The following AGBL1 variants were observed in gnomAD, a reference collection of about 807,000 sequenced individuals.
The protein encoded by AGBL1 is AGBL carboxypeptidase 1.
AGBL1 carries 130 observed loss-of-function variants against 118.9 expected under a neutral mutation model. The ratio of observed to expected loss-of-function variants is 1.09; its 90% confidence interval spans 0.95 to 1.26. The LOEUF (loss-of-function observed/expected upper bound fraction) is 1.26. AGBL1 is among the 50% of genes most tolerant of loss of function. The probability of loss-of-function intolerance (pLI) is 0.00; values close to 1 mark genes in which losing one functional copy is unlikely to be tolerated. For synonymous variants in AGBL1, 555 were observed against 478.9 expected, an observed-to-expected ratio of 1.16 and a Z score of -2.08; for missense variants, 1,584 against 1,298.1, an observed-to-expected ratio of 1.22 and a Z score of -3.38.
intron 22 of AGBL1, among the ~76,000 whole-genome samples, chr15:86,835,684 G>A (rs2079161132): frequency 6.6e-6 from 1 of 152,070 alleles, no homozygotes; most frequent in South Asian, 2.1e-4. Flanking sequence ...ATATGGCTAG[G>A]GTAAAAGTGA....
Position 86,983,694 on chromosome 15 carries a change from G to A in AGBL1, c.3222-4293G>A, listed in dbSNP as rs1282906578. Among the ~76,000 whole-genome samples, 7 of 152,278 alleles carry A rather than the reference G, an allele frequency of 4.6e-5. No individual in the cohort carries two copies. In the East Asian group the frequency reaches 1.2e-3, roughly 25 times the overall value. On this transcript the variant is annotated intron_variant, in intron 23 of 24. Transcript: ENST00000441037. ...GTTCCCATGCGTTCCTTTGCAAGTAGCCCCTTTCCTAATCTCCAGCCTCAA... is the reference window on the plus strand; with the variant it reads ...GTTCCCATGCGTTCCTTTGCAAGTAACCCCTTTCCTAATCTCCAGCCTCAA...
chr15:86,541,808 A>C (rs189773518), intron 19 of AGBL1, among the ~76,000 whole-genome samples: 2 of 152,188 alleles, frequency 1.3e-5, no homozygotes, highest in East Asian at 3.9e-4. Context: ...ACCCACAACA[A>C]CTACCTCATG....
At chr15:87,004,047 A>G (rs1002271976) in intron 24 of AGBL1, among the ~76,000 whole-genome samples, 24 of 152,014 alleles carry the variant, frequency 1.6e-4, no homozygotes, top group Admixed American at 3.3e-4. Context: ...AGTTCTTTCA[A>G]TTGTGATGTT....
At chr15:86,461,988 A>G (rs1392698272) in intron 18 of AGBL1, among the ~76,000 whole-genome samples, 2 of 152,134 alleles carry the variant, frequency 1.3e-5, no homozygotes, top group Admixed American at 1.3e-4. Context: ...CAGCCCATAC[A>G]AATTCTTAGC....
intron 17 of AGBL1, among the ~76,000 whole-genome samples, chr15:86,352,833 G>T (rs1379048413): frequency 6.6e-6 from 1 of 152,102 alleles, no homozygotes; most frequent in Admixed American, 6.5e-5. Context: ...CTCAAAGAAA[G>T]GATTAGCACT....
intron 7 of AGBL1, among the ~76,000 whole-genome samples, chr15:86,248,913 G>C (rs745717242): frequency 6.6e-6 from 1 of 152,174 alleles, no homozygotes; most frequent in Non-Finnish European, 1.5e-5. Context: ...CCTGAGCTGA[G>C]ACCTGAGTTG....
intron 21 of AGBL1, among the ~76,000 whole-genome samples, chr15:86,646,847 A>T (rs766760649): frequency 8.5e-5 from 13 of 152,312 alleles, no homozygotes; most frequent in Admixed American, 8.5e-4. Context: ...ATACATGTTC[A>T]TTCTTAAATT....
intron 17 of AGBL1, among the ~76,000 whole-genome samples, chr15:86,386,736 C>A (rs962078323): frequency 2.0e-5 from 3 of 152,106 alleles, no homozygotes; most frequent in Admixed American, 6.6e-5. Flanking sequence ...CCCAGGACCT[C>A]AAGCCTGGGA....
At chr15:86,080,933 G>GT (rs199530885) in intron 1 of AGBL1, among the ~76,000 whole-genome samples, 4 of 151,022 alleles carry the variant, frequency 2.6e-5, no homozygotes, top group Non-Finnish European at 5.9e-5. Context: ...ATGGGCTTGT[G>GT]GGGGCGGGGG....
intron 1 of AGBL1, among the ~76,000 whole-genome samples, chr15:86,126,425 C>T (rs1395810520): frequency 2.0e-5 from 3 of 152,164 alleles, no homozygotes; most frequent in Non-Finnish European, 4.4e-5. Context: ...TCTAGGGTGA[C>T]ATCTGTGGGT....
chr15:86,463,557 G>A (rs1357918669), intron 18 of AGBL1, among the ~76,000 whole-genome samples: 3 of 152,070 alleles, frequency 2.0e-5, no homozygotes, highest in African/African-American at 7.2e-5. Flanking sequence ...TTCTTCTAGG[G>A]TTTTTATGGT....
At chr15:86,955,388 C>T (rs1358778437) in intron 23 of AGBL1, among the ~76,000 whole-genome samples, 1 of 151,812 alleles carries the variant, frequency 6.6e-6, no homozygotes, top group East Asian at 1.9e-4. Context: ...GCCCTAGCTA[C>T]CCTTATCAGA....
chr15:86,100,058 T>G (rs1896621008), intron 1 of AGBL1, among the ~76,000 whole-genome samples: 1 of 152,158 alleles, frequency 6.6e-6, no homozygotes, highest in Non-Finnish European at 1.5e-5. Flanking sequence ...AATGTTGAAT[T>G]TTATCAAATG....
chr15:86,177,455 A>G (rs917073780), intron 5 of AGBL1, among the ~76,000 whole-genome samples: 2 of 152,182 alleles, frequency 1.3e-5, no homozygotes, highest in Non-Finnish European at 2.9e-5. Context: ...GGCTTAACTG[A>G]TATTCATAGG....
intron 21 of AGBL1, among the ~76,000 whole-genome samples, chr15:86,650,747 A>G (rs934470658): frequency 1.3e-5 from 2 of 152,224 alleles, no homozygotes; most frequent in African/African-American, 4.8e-5. Context: ...TGGCAGGCAT[A>G]CAGTATCAGC....
At chr15:86,123,559 C>T (rs1293052344) in intron 1 of AGBL1, among the ~76,000 whole-genome samples, 5 of 152,176 alleles carry the variant, frequency 3.3e-5, no homozygotes, top group South Asian at 2.1e-4. Context: ...TTTGTCTTAA[C>T]TAAGTCATTC....
chr15:87,029,141 C>T (rs928474699), downstream of AGBL1: 14 of 262,048 alleles, frequency 5.3e-5, no homozygotes, highest in East Asian at 3.4e-4. Context: ...ATGAAAGAAT[C>T]GCAAAGGTAC....
At chr15:86,933,887 C>G (rs2080634933) in intron 23 of AGBL1, among the ~76,000 whole-genome samples, 1 of 152,202 alleles carries the variant, frequency 6.6e-6, no homozygotes, top group South Asian at 2.1e-4. Flanking sequence ...GTCAGGAGAT[C>G]TTGGTTGAGG....
chr15:86,112,938 C>T (rs1301842281), intron 1 of AGBL1, among the ~76,000 whole-genome samples: 1 of 152,056 alleles, frequency 6.6e-6, no homozygotes, highest in Non-Finnish European at 1.5e-5. Flanking sequence ...GAAAGTTTTA[C>T]TTTAGGAAAA....
Sources: gnomAD v4.1 joint callset for allele counts (sites outside exome capture counted in the v4.1 genomes callset) on GRCh38, gnomAD v4.1.1 for gene constraint, MANE v1.5 for transcripts, NCBI Gene and HGNC (gene_info 2026-07-23, HGNC 2026-07-21) for gene names.